PRKAR2B: variants seen among roughly 807,000 people sequenced by gnomAD.
The protein encoded by PRKAR2B is protein kinase cAMP-dependent type II regulatory subunit beta, also known as cAMP-dependent protein kinase type II-beta regulatory subunit.
In PRKAR2B, 14 loss-of-function variants were observed where a neutral mutation model predicts 49.9. The observed-to-expected ratio is 0.28, with a 90% CI of 0.19 to 0.44. The LOEUF is 0.44. Among genes scored for constraint, PRKAR2B ranks in the 20% least tolerant of loss-of-function variants. The pLI, the probability that PRKAR2B is intolerant of heterozygous loss-of-function variation, is 1.00. For synonymous variants in PRKAR2B, 196 were observed against 197.7 expected (o/e 0.99, Z 0.07); for missense variants, 393 against 537.9 (o/e 0.73, Z 2.67).
intron 1 of PRKAR2B, among the ~76,000 whole-genome samples, chr7:107,065,781 C>G (rs1463550163): frequency 1.3e-5 from 2 of 152,184 alleles, no homozygotes; most frequent in African/African-American, 2.4e-5. Flanking sequence ...CTGCCAGGCA[C>G]TGTGATAGGC....
chr7:107,139,161 T>G (rs1354851076), intron 4 of PRKAR2B, among the ~76,000 whole-genome samples: 1 of 152,148 alleles, frequency 6.6e-6, no homozygotes, highest in Non-Finnish European at 1.5e-5. Flanking sequence ...TCTCATGTGT[T>G]GTCATTTTGC....
intron 1 of PRKAR2B, among the ~76,000 whole-genome samples, chr7:107,062,086 T>C (rs370391409): frequency 6.6e-6 from 1 of 152,242 alleles, no homozygotes; most frequent in South Asian, 2.1e-4. Flanking sequence ...CTGGAGGGCA[T>C]AAAGTGATAT....
chr7:107,066,301 G>GGGGTGTGTGTGTGT (rs147673007), intron 1 of PRKAR2B, among the ~76,000 whole-genome samples: 38 of 145,604 alleles, frequency 2.6e-4, no homozygotes, highest in African/African-American at 9.6e-4. Context: ...CTCTATGTGG[G>GGGGTGTGTGTGTGT]GTGTGTGTGT....
intron 2 of PRKAR2B, among the ~76,000 whole-genome samples, chr7:107,073,476 T>C (rs1415555642): frequency 6.6e-6 from 1 of 151,930 alleles, no homozygotes; most frequent in African/African-American, 2.4e-5. Flanking sequence ...GGTACAGGAG[T>C]GGAAGGCATG....
intron 2 of PRKAR2B, among the ~76,000 whole-genome samples, chr7:107,117,704 T>A (rs1795302182): frequency 6.6e-6 from 1 of 151,698 alleles, no homozygotes; most frequent in African/African-American, 2.4e-5. Flanking sequence ...TAGTGAAAAA[T>A]CCTGGAAGTT....
At chr7:107,157,474 C>G (rs1240562637) in intron 10 of PRKAR2B, 150 bp downstream of exon 10, 2 of 1,055,360 alleles carry the variant, frequency 1.9e-6, no homozygotes, top group African/African-American at 3.3e-5. Flanking sequence ...CTTATAAAAT[C>G]AATTTGTGGA....
chr7:107,121,734 A>T (rs1169668867), intron 2 of PRKAR2B, among the ~76,000 whole-genome samples: 2 of 152,198 alleles, frequency 1.3e-5, no homozygotes, highest in Non-Finnish European at 2.9e-5. Context: ...AATAAAAAAG[A>T]AAGTGTCAAT....
Position 107,160,246 on chromosome 7 carries a change from T to A in PRKAR2B, c.*664T>A, listed in dbSNP as rs1170142980. The A allele has an allele frequency of 6.6e-6, 1 of 152,644 alleles. No homozygotes were observed. Among genetic ancestry groups the A allele is most frequent in the Non-Finnish European group, 1.5e-5 (1 of 68,024 alleles). The allele number at this position is 152,644 out of a possible 1,614,324, so 9.5% of individuals were successfully genotyped here. ...ACAGGCAATTTAGTCATTATGATAATAAGGAAAACAGTGTTTTAGATGAGA... is the reference window on the plus strand; with the variant it reads ...ACAGGCAATTTAGTCATTATGATAAAAAGGAAAACAGTGTTTTAGATGAGA... On this transcript the variant is annotated 3_prime_UTR_variant, in exon 11 of 11. Transcript: ENST00000265717.
In PRKAR2B at chr7:107,100,212, G is replaced by A. The variant is rs1416126161; in HGVS notation, c.344-21740G>A. ...CTAGCTGCAAATACTCCTAGTCAGTGTTATCTATCTGGACATGAGTTCATT... is the reference window on the plus strand; with the variant it reads ...CTAGCTGCAAATACTCCTAGTCAGTATTATCTATCTGGACATGAGTTCATT... On this transcript the variant is annotated intron_variant, in intron 2 of 10. Transcript: ENST00000265717. Among the ~76,000 whole-genome samples the A allele has an allele frequency of 3.9e-5, 6 of 152,128 alleles. No homozygotes were observed. In the East Asian group the frequency reaches 5.8e-4, roughly 15 times the overall value.
intron 1 of PRKAR2B, among the ~76,000 whole-genome samples, chr7:107,054,378 G>A (rs753526641): frequency 1.3e-5 from 2 of 151,824 alleles, no homozygotes; most frequent in Middle Eastern, 3.4e-3. Flanking sequence ...CAAAAACCAC[G>A]GTATATAGCG....
At chr7:107,087,495 G>A (rs1191218974) in intron 2 of PRKAR2B, among the ~76,000 whole-genome samples, 8 of 152,144 alleles carry the variant, frequency 5.3e-5, no homozygotes. Context: ...TGCTTTACAT[G>A]TATTAAATCA....
chr7:107,087,146 T>A (rs1794636281), intron 2 of PRKAR2B, among the ~76,000 whole-genome samples: 3 of 152,124 alleles, frequency 2.0e-5, no homozygotes, highest in Admixed American at 1.3e-4. Context: ...TAAGATTGAT[T>A]TTAGATTGAG....
At chr7:107,098,610 T>A (rs751280071) in intron 2 of PRKAR2B, among the ~76,000 whole-genome samples, 25 of 152,210 alleles carry the variant, frequency 1.6e-4, no homozygotes, top group Admixed American at 3.9e-4. Flanking sequence ...TTTAGAATCG[T>A]TAGCTTTTCT....
chr7:107,151,069 C>A (rs752852620), intron 7 of PRKAR2B, 46 bp downstream of exon 7: 2 of 1,167,628 alleles, frequency 1.7e-6, no homozygotes, highest in Non-Finnish European at 2.3e-6. Flanking sequence ...TTAAAAGTTT[C>A]TGTTTTGCTA....
At chr7:107,107,807 G>A (rs978741029) in intron 2 of PRKAR2B, among the ~76,000 whole-genome samples, 8 of 152,092 alleles carry the variant, frequency 5.3e-5, no homozygotes, top group Non-Finnish European at 8.8e-5. Context: ...ATAGGTGCGC[G>A]CCACCATGCC....
intron 5 of PRKAR2B, among the ~76,000 whole-genome samples, chr7:107,143,860 A>T (rs1795835512): frequency 6.6e-6 from 1 of 152,208 alleles, no homozygotes; most frequent in African/African-American, 2.4e-5. Flanking sequence ...CATTCCCAAG[A>T]TACCTCATTC....
At chr7:107,049,181 A>G (rs1036552804) in intron 1 of PRKAR2B, among the ~76,000 whole-genome samples, 1 of 152,216 alleles carries the variant, frequency 6.6e-6, no homozygotes, top group African/African-American at 2.4e-5. Context: ...GAATTGCTGA[A>G]ACAAAAAATG....
chr7:107,143,005 C>T (rs534347758), intron 5 of PRKAR2B, among the ~76,000 whole-genome samples: 4 of 152,246 alleles, frequency 2.6e-5, no homozygotes, highest in East Asian at 1.9e-4. Context: ...TCAGGTAATC[C>T]GCCTGCCTTG....
intron 2 of PRKAR2B, among the ~76,000 whole-genome samples, chr7:107,118,422 C>G (rs181030537): frequency 6.6e-6 from 1 of 151,034 alleles, no homozygotes; most frequent in Non-Finnish European, 1.5e-5. Context: ...AAGGACCTTG[C>G]AAGCTTGTTT....
Sources: allele counts gnomAD v4.1 joint callset (sites outside exome capture counted in the v4.1 genomes callset), GRCh38; gene constraint gnomAD v4.1.1; transcripts MANE v1.5; gene names NCBI Gene and HGNC (gene_info 2026-07-23, HGNC 2026-07-21).